Variants in SLC45A3 observed in about 807,000 individuals in gnomAD.
SLC45A3 encodes prostate cancer associated protein 2.
Under a neutral mutation model 35.3 loss-of-function variants are expected in SLC45A3, and 17 were observed. The observed-to-expected ratio is 0.48, with a 90% CI of 0.33 to 0.72. The LOEUF is 0.72. SLC45A3 is among the 30% of genes least tolerant of loss of function. The pLI is 0.02. For synonymous variants in SLC45A3, 288 were observed against 334.3 expected (o/e 0.86, Z 1.51); for missense variants, 597 against 731.7 (o/e 0.82, Z 2.12).
At position 205,680,452 on chromosome 1, in the gene SLC45A3, C is replaced by T. The variant is rs757615888; in HGVS notation, c.-289G>A. The T allele has an allele frequency of 2.8e-3, 432 of 152,820 alleles. No individual in the cohort carries two copies. The highest frequency in any genetic ancestry group is 5.2e-3 in the Non-Finnish European group (358 of 68,506). 9.5% of individuals were successfully genotyped at this position (152,820 alleles called of 1,614,324 possible). A position where few individuals can be genotyped will look rare whatever the true frequency, so the allele number is the denominator to read the frequency against. On this transcript the variant is annotated 5_prime_UTR_variant, in exon 1 of 5. Transcript: ENST00000367145. ...GCGCGTGCAGGCTGGTTCCGCCCCC[C>T]CTTCCTTGCCCCCCACGCGCGCCAG...
In SLC45A3 at chr1:205,662,581, T is replaced by G; in HGVS notation, c.958+252A>C. On this transcript the variant is annotated intron_variant, in intron 3 of 4. Transcript: ENST00000367145. The surrounding 1 kb of genome is among the most constrained non-coding windows in gnomAD (Gnocchi z 6.2). ...CACTCCCTCTAGACTTTGAATAAGC[T>G]CCGCCTTTCCTTCTGTCAAACTGGG... 7.5e-7 allele frequency: 1 copy of G among 1,329,096 alleles called. No homozygotes were observed. Among genetic ancestry groups the G allele is most frequent in the East Asian group, 2.8e-5 (1 of 35,178 alleles). 82.3% of individuals were successfully genotyped at this position (1,329,096 alleles called of 1,614,324 possible).
chr1:205,668,770 C>G (rs1671159250), intron 1 of SLC45A3, among the ~76,000 whole-genome samples: 1 of 152,108 alleles, frequency 6.6e-6, no homozygotes, highest in Non-Finnish European at 1.5e-5. Flanking sequence ...TCTCAAGTTC[C>G]AAACATCTCC....
chr1:205,674,289 A>T (rs944009284), intron 1 of SLC45A3, among the ~76,000 whole-genome samples: 3 of 152,176 alleles, frequency 2.0e-5, no homozygotes, highest in African/African-American at 7.2e-5. Flanking sequence ...TATGGTAACA[A>T]GAGAAAAGCA....
intron 1 of SLC45A3, among the ~76,000 whole-genome samples, chr1:205,671,246 G>A (rs972182430): frequency 2.0e-5 from 3 of 152,252 alleles, no homozygotes; most frequent in African/African-American, 4.8e-5. Context: ...CATGGTGACA[G>A]TCAATACAGA....
At chr1:205,677,549 A>C (rs1228506107) in intron 1 of SLC45A3, among the ~76,000 whole-genome samples, 1 of 152,222 alleles carries the variant, frequency 6.6e-6, no homozygotes, top group Non-Finnish European at 1.5e-5. Flanking sequence ...AAACAGTTTA[A>C]ATAACTTGTG....
intron 1 of SLC45A3, among the ~76,000 whole-genome samples, chr1:205,675,451 G>T (rs1671295430): frequency 6.6e-6 from 1 of 152,118 alleles, no homozygotes; most frequent in Non-Finnish European, 1.5e-5. Context: ...TTCACTTTGG[G>T]GTATTGTTTT....
rs1670968935 is a variant in SLC45A3, at chr1:205,659,003, T to C, written c.*231A>G. The C allele has an allele frequency of 3.6e-6, 2 of 551,654 alleles. No individual in the cohort carries two copies. Among genetic ancestry groups the C allele is most frequent in the South Asian group, 4.5e-5 (2 of 44,268 alleles). The allele number at this position is 551,654 out of a possible 1,614,324, so 34.2% of individuals were successfully genotyped here. ...TGTATAAGTCCAGACTGAAACCCCCTTGGAAGGCCTCCAGTCAGGCAGCCC... is the reference window on the plus strand; with the variant it reads ...TGTATAAGTCCAGACTGAAACCCCCCTGGAAGGCCTCCAGTCAGGCAGCCC... On this transcript the variant is annotated 3_prime_UTR_variant, in exon 5 of 5. Coordinates refer to ENST00000367145, the MANE Select transcript of SLC45A3 (RefSeq NM_033102.3). This position sits in a 1 kb window ranked among gnomAD's most constrained non-coding sequence, Gnocchi z 5.8.
chr1:205,675,173 C>T lies in SLC45A3; in HGVS notation c.-231+5221G>A, dbSNP rs12062247. Among the ~76,000 whole-genome samples the T allele has an allele frequency of 5.3e-3, 810 of 152,326 alleles. 7 individuals are homozygous for T. The highest frequency in any genetic ancestry group is 0.019 in the African/African-American group (778 of 41,568). On this transcript the variant is annotated intron_variant, in intron 1 of 4. Transcript: ENST00000367145. Reference sequence around the variant, plus strand: ...TGGCCTCTCCGTTGCCAGATTTCTTCCTCCCAGGAATGGGGTAGGACCCCT... The same window carrying T: ...TGGCCTCTCCGTTGCCAGATTTCTTTCTCCCAGGAATGGGGTAGGACCCCT...
rs1285677519 is a variant in SLC45A3, at chr1:205,663,018, G to A, written c.773C>T (p.Pro258Leu). Residue 258 changes from proline to leucine, a missense_variant, in exon 3 of 5, where the codon CCC becomes CTC. Coordinates refer to ENST00000367145, the MANE Select transcript of SLC45A3 (RefSeq NM_033102.3). ...GCGGCAGCACAGCTGGTGCAGCCGG[G>A]GAAGCAGGGCGCCCAGGTTCCGGAA... ...LAFRNLGALL[P>L]RLHQLCCRMP... is the part of the protein sequence containing the mutation. 1.9e-6 allele frequency: 3 copies of A among 1,611,224 alleles called. No homozygotes were observed. The highest frequency in any genetic ancestry group is 2.5e-6 in the Non-Finnish European group (3 of 1,178,482).
chr1:205,657,988 T>G lies in SLC45A3; in HGVS notation c.*1246A>C, dbSNP rs1670954376. The G allele has an allele frequency of 8.9e-6, 2 of 225,776 alleles. No homozygotes were observed. Among genetic ancestry groups the G allele is most frequent in the Non-Finnish European group, 1.8e-5 (2 of 113,104 alleles). The allele number at this position is 225,776 out of a possible 1,614,324, so 14.0% of individuals were successfully genotyped here. On this transcript the variant is annotated 3_prime_UTR_variant, in exon 5 of 5. Coordinates refer to ENST00000367145, the MANE Select transcript of SLC45A3 (RefSeq NM_033102.3). ...CGGCACTTAAACCCCCCCTGAGAGA[T>G]AAGACCTCCCTTAGCTCAGGCAGGG...
chr1:205,660,252 G>A (rs1157979933), intron 4 of SLC45A3, among the ~76,000 whole-genome samples: 1 of 152,076 alleles, frequency 6.6e-6, no homozygotes, highest in Non-Finnish European at 1.5e-5. Flanking sequence ...GAATCCAGTA[G>A]ACCCCAAGCA....
At chr1:205,679,469 G>A (rs1671364646) in intron 1 of SLC45A3, among the ~76,000 whole-genome samples, 1 of 151,954 alleles carries the variant, frequency 6.6e-6, no homozygotes, top group South Asian at 2.1e-4. Flanking sequence ...CCCGCACTAG[G>A]GAGAAAGCAT....
chr1:205,668,350 G>A lies in SLC45A3; in HGVS notation c.-230-3464C>T, dbSNP rs542441512. Among the ~76,000 whole-genome samples the A allele has an allele frequency of 2.0e-5, 3 of 152,150 alleles. No individual in the cohort carries two copies. The East Asian group carries it at 5.8e-4, about 29-fold the overall frequency. On this transcript the variant is annotated intron_variant, in intron 1 of 4. Coordinates refer to ENST00000367145, the MANE Select transcript of SLC45A3 (RefSeq NM_033102.3). Reference sequence around the variant, plus strand: ...GGCCGCCTTCCCTGGAGCACAAACGGAGGAGCCCAGCCTTTCTCAGTTGTC... The same window carrying A: ...GGCCGCCTTCCCTGGAGCACAAACGAAGGAGCCCAGCCTTTCTCAGTTGTC...
chr1:205,664,692 A>C lies in SLC45A3; in HGVS notation c.-36T>G. On this transcript the variant is annotated 5_prime_UTR_variant, in exon 2 of 5. It removes the in-frame stop codon of an upstream open reading frame in the 5' UTR. Coordinates refer to ENST00000367145, the MANE Select transcript of SLC45A3 (RefSeq NM_033102.3). The surrounding 1 kb of genome is among the most constrained non-coding windows in gnomAD (Gnocchi z 5.3). ...GCGGGTAGGGCTCAGGGGGCCGTTC[A>C]GGCACTCCAGAACTGCTTCGTCTCG... is the stretch of plus-strand genomic sequence containing the variant. The C allele has an allele frequency of 6.2e-7, 1 of 1,610,078 alleles. No homozygotes were observed. The highest frequency in any genetic ancestry group is 8.5e-7 in the Non-Finnish European group (1 of 1,178,138).
Position 205,669,877 on chromosome 1 carries a change from GC to G in SLC45A3, c.-230-4992del, listed in dbSNP as rs1163867748. Among the ~76,000 whole-genome samples the G allele has an allele frequency of 6.6e-6, 1 of 152,174 alleles. No homozygotes were observed. Among genetic ancestry groups the G allele is most frequent in the African/African-American group, 2.4e-5 (1 of 41,454 alleles). On this transcript the variant is annotated intron_variant, in intron 1 of 4. Coordinates refer to ENST00000367145, the MANE Select transcript of SLC45A3 (RefSeq NM_033102.3). This position sits in a 1 kb window ranked among gnomAD's most constrained non-coding sequence, Gnocchi z 4.1. ...CCTCCCGGACACACACCCCACCAAG[GC>G]TGCCCTGCCCCAGGTCAGTGAGATG...
intron 1 of SLC45A3, among the ~76,000 whole-genome samples, chr1:205,667,379 C>T (rs1273141186): frequency 2.0e-5 from 3 of 152,070 alleles, no homozygotes; most frequent in Non-Finnish European, 2.9e-5. Flanking sequence ...TGGTGGCGTG[C>T]GCCTACAATC....
In SLC45A3 at chr1:205,658,114, T is replaced by A. The variant is rs1670956433; in HGVS notation, c.*1120A>T. 4 of 215,460 alleles carry A rather than the reference T, an allele frequency of 1.9e-5. No homozygotes were observed. In the East Asian group the frequency reaches 2.6e-4, roughly 14 times the overall value. 13.3% of individuals were successfully genotyped at this position (215,460 alleles called of 1,614,324 possible). On this transcript the variant is annotated 3_prime_UTR_variant, in exon 5 of 5. Coordinates refer to ENST00000367145, the MANE Select transcript of SLC45A3 (RefSeq NM_033102.3). ...AAACCGCACTTTGTGCTTCTGGTCC[T>A]GCAGTAGCTCCAAACAGGGTTGTGG...
intron 1 of SLC45A3, among the ~76,000 whole-genome samples, chr1:205,679,805 AACTC>A (rs1324035452): frequency 2.6e-5 from 4 of 150,990 alleles, no homozygotes; most frequent in Non-Finnish European, 5.9e-5. Flanking sequence ...CTGTCTTAAT[AACTC>A]ACTCTTCCTC....
chr1:205,674,143 C>T (rs1403615276), intron 1 of SLC45A3, among the ~76,000 whole-genome samples: 1 of 150,066 alleles, frequency 6.7e-6, no homozygotes, highest in African/African-American at 2.5e-5. Flanking sequence ...TCCAGGGCTT[C>T]CTAGAGGGAA....
Sources: allele counts gnomAD v4.1 joint callset (sites outside exome capture counted in the v4.1 genomes callset), GRCh38; gene constraint gnomAD v4.1.1; non-coding constraint Gnocchi (gnomAD v3.1); transcripts MANE v1.5; gene names NCBI Gene and HGNC (gene_info 2026-07-23, HGNC 2026-07-21).